SPHKAP: variants seen among roughly 807,000 people sequenced by gnomAD.
The protein encoded by SPHKAP is SPHK1 interactor, AKAP domain containing.
In SPHKAP, 67 loss-of-function variants were observed where a neutral mutation model predicts 137.5. That is an observed-to-expected ratio of 0.49 (90% CI 0.40 to 0.60). The LOEUF (loss-of-function observed/expected upper bound fraction) is 0.60, where lower values mean the gene tolerates loss of function less well. Among genes scored for constraint, SPHKAP ranks in the 20% least tolerant of loss-of-function variants. The probability of loss-of-function intolerance (pLI) is 0.00; values close to 1 mark genes in which losing one functional copy is unlikely to be tolerated. For missense variants in SPHKAP, 2,097 were observed against 2,069.3 expected (o/e 1.01, Z -0.26); for synonymous variants, 813 against 785.3 (o/e 1.04, Z -0.59).
At chr2:228,088,410 A>G (rs1697611554) in intron 3 of SPHKAP, among the ~76,000 whole-genome samples, 1 of 152,214 alleles carries the variant, frequency 6.6e-6, no homozygotes, top group East Asian at 1.9e-4. Context: ...AGCAACCACT[A>G]AGAAAATATT....
At chr2:228,120,063 T>C (rs1698857399) in intron 2 of SPHKAP, among the ~76,000 whole-genome samples, 1 of 152,134 alleles carries the variant, frequency 6.6e-6, no homozygotes, top group South Asian at 2.1e-4. Context: ...TGGAACAAAA[T>C]GATTCTCCGT....
intron 1 of SPHKAP, among the ~76,000 whole-genome samples, chr2:228,155,159 C>T (rs1353821192): frequency 6.6e-6 from 1 of 151,942 alleles, no homozygotes; most frequent in African/African-American, 2.4e-5. Context: ...GAGATGGGAC[C>T]AGTACATCTG....
At chr2:228,088,028 C>T (rs1697593487) in intron 3 of SPHKAP, among the ~76,000 whole-genome samples, 1 of 152,036 alleles carries the variant, frequency 6.6e-6, no homozygotes, top group African/African-American at 2.4e-5. Context: ...TTTCATATTA[C>T]ATTTCTATGT....
At chr2:228,179,204 C>A (rs913418470) in intron 1 of SPHKAP, among the ~76,000 whole-genome samples, 6 of 152,158 alleles carry the variant, frequency 3.9e-5, no homozygotes, top group Admixed American at 2.0e-4. Context: ...TAACCACCAA[C>A]TTAATTTTAT....
At chr2:228,109,930 C>T (rs1698464374) in intron 2 of SPHKAP, among the ~76,000 whole-genome samples, 1 of 111,530 alleles carries the variant, frequency 9.0e-6, no homozygotes, top group Middle Eastern at 8.8e-3. Flanking sequence ...TGCACTCCAG[C>T]TTGGGCAACA....
At chr2:228,154,526 A>T (rs1287920015) in intron 1 of SPHKAP, among the ~76,000 whole-genome samples, 6 of 49,966 alleles carry the variant, frequency 1.2e-4, no homozygotes, top group Non-Finnish European at 2.0e-4. Flanking sequence ...ATATATATAT[A>T]TATATATTTT....
rs139678162 is a variant in SPHKAP, at chr2:228,006,540, C to A, written c.4448+9866G>T. ...CGTCTGAAGCCTTCTTCTCTCATCTCGTCAAAGTCATTCTCCGTCCAGCTT... is the reference window on the plus strand; with the variant it reads ...CGTCTGAAGCCTTCTTCTCTCATCTAGTCAAAGTCATTCTCCGTCCAGCTT... On this transcript the variant is annotated intron_variant, in intron 7 of 11. Coordinates refer to ENST00000392056, the MANE Select transcript of SPHKAP (RefSeq NM_001142644.2). 3.4e-3 allele frequency among the ~76,000 whole-genome samples: 514 copies of A among 152,300 alleles called. 2 individuals carry two copies. The highest frequency in any genetic ancestry group is 0.014 in the Middle Eastern group (4 of 294).
At chr2:228,108,769 A>C in intron 3 of SPHKAP, 63 bp downstream of exon 3, 1 of 1,145,632 alleles carries the variant, frequency 8.7e-7, no homozygotes, top group South Asian at 1.4e-5. Flanking sequence ...GGTCCTAAAC[A>C]TGGGTACATG....
intron 3 of SPHKAP, among the ~76,000 whole-genome samples, chr2:228,097,994 T>G (rs889469566): frequency 3.3e-5 from 5 of 152,224 alleles, no homozygotes; most frequent in Non-Finnish European, 7.3e-5. Flanking sequence ...TTTGTGTATA[T>G]ACCCAGTAAT....
chr2:228,086,681 T>A (rs1697549891), intron 3 of SPHKAP, among the ~76,000 whole-genome samples: 1 of 152,128 alleles, frequency 6.6e-6, no homozygotes, highest in Non-Finnish European at 1.5e-5. Flanking sequence ...GTCTACCTCA[T>A]GACCAGAGTA....
At chr2:228,166,493 T>C (rs1388762334) in intron 1 of SPHKAP, among the ~76,000 whole-genome samples, 2 of 152,150 alleles carry the variant, frequency 1.3e-5, no homozygotes, top group Non-Finnish European at 2.9e-5. Context: ...TTCAAATAAG[T>C]TAAGTAAGCT....
intron 2 of SPHKAP, among the ~76,000 whole-genome samples, chr2:228,116,866 G>T (rs1698727913): frequency 6.6e-6 from 1 of 152,034 alleles, no homozygotes; most frequent in Non-Finnish European, 1.5e-5. Context: ...CTCCATAAAT[G>T]CTCTGCTATA....
At chr2:228,031,450 GACAA>G (rs765126779) in intron 3 of SPHKAP, among the ~76,000 whole-genome samples, 2 of 152,216 alleles carry the variant, frequency 1.3e-5, no homozygotes, top group African/African-American at 2.4e-5. Context: ...GCAGGGCACA[GACAA>G]ACAAAAAGAC....
chr2:228,006,613 G>A (rs369887868), intron 7 of SPHKAP, among the ~76,000 whole-genome samples: 14 of 151,982 alleles, frequency 9.2e-5, no homozygotes, highest in Non-Finnish European at 1.8e-4. Context: ...GAGGAGAGGC[G>A]CTCTGATTTT....
chr2:227,990,104 C>T (rs1693361832), intron 11 of SPHKAP, among the ~76,000 whole-genome samples: 1 of 152,192 alleles, frequency 6.6e-6, no homozygotes. Context: ...CCACATGGAA[C>T]TGAATTAGCA....
Position 228,092,518 on chromosome 2 carries a change from CAT to C in SPHKAP, c.246+16312_246+16313del, listed in dbSNP as rs1245205564. 1.3e-4 allele frequency among the ~76,000 whole-genome samples: 9 copies of C among 67,366 alleles called. 1 individual carries two copies. The highest frequency in any genetic ancestry group is 1.7e-4 in the Non-Finnish European group (6 of 34,608). The allele number at this position is 67,366 out of a possible 152,430, so 44.2% of individuals were successfully genotyped here. On this transcript the variant is annotated intron_variant, in intron 3 of 11. Coordinates refer to ENST00000392056, the MANE Select transcript of SPHKAP (RefSeq NM_001142644.2). The stretch of plus-strand genomic sequence containing the variant: ...CATATATATGTATACATATATGTGC[CAT>C]ATATATGTATACATATATGTGCCAT...
At position 228,147,955 on chromosome 2, in the gene SPHKAP, T is replaced by G. The variant is rs564587705; in HGVS notation, c.33-15870A>C. ...ATCAAGTGCAATTTGATTTACTCAG[T>G]TGCATTTAATCAAGAGGCTTAATTT... On this transcript the variant is annotated intron_variant, in intron 1 of 11. Coordinates refer to ENST00000392056, the MANE Select transcript of SPHKAP (RefSeq NM_001142644.2). 9.2e-5 allele frequency among the ~76,000 whole-genome samples: 14 copies of G among 152,284 alleles called. No homozygotes were observed. The East Asian group carries it at 2.5e-3, about 27-fold the overall frequency.
chr2:228,010,057 T>C (rs765527768), intron 7 of SPHKAP, among the ~76,000 whole-genome samples: 2 of 152,158 alleles, frequency 1.3e-5, no homozygotes, highest in African/African-American at 2.4e-5. Context: ...CCTCACCTCA[T>C]TGTGCCCACT....
intron 2 of SPHKAP, among the ~76,000 whole-genome samples, chr2:228,124,531 A>C (rs1699010686): frequency 6.9e-6 from 1 of 145,026 alleles, no homozygotes; most frequent in Non-Finnish European, 1.5e-5. Context: ...GGAATTGAAC[A>C]ACGAGAACAC....
Sources: allele counts gnomAD v4.1 joint callset (sites outside exome capture counted in the v4.1 genomes callset), GRCh38; gene constraint gnomAD v4.1.1; transcripts MANE v1.5; gene names NCBI Gene and HGNC (gene_info 2026-07-23, HGNC 2026-07-21).